The following RBFOX1 variants were observed in gnomAD, a reference collection of about 807,000 sequenced individuals.
The protein encoded by RBFOX1 is RNA binding fox-1 homolog 1, also known as RNA binding protein fox-1 homolog 1.
A neutral mutation model predicts 57.7 loss-of-function variants in RBFOX1; 8 were observed. The ratio of observed to expected loss-of-function variants is 0.14; its 90% CI spans 0.08 to 0.25. The LOEUF (loss-of-function observed/expected upper bound fraction) is 0.25. Ranked by LOEUF, RBFOX1 falls within the 10% of genes least tolerant of loss-of-function variation. The pLI, the probability that RBFOX1 is intolerant of heterozygous loss-of-function variation, is 1.00. For synonymous variants in RBFOX1, 326 were observed against 222.4 expected, an observed-to-expected ratio of 1.47 and a Z score of -4.15; for missense variants, 611 against 548.5, an observed-to-expected ratio of 1.11 and a Z score of -1.14.
chr16:5,719,704 G>T (rs9929312), intron 3 of RBFOX1, among the ~76,000 whole-genome samples: 115,084 of 151,970 alleles, frequency 0.76, 44,016 homozygotes, highest in Non-Finnish European at 0.81. Flanking sequence ...GAGCATAAAT[G>T]TTGAAGCTTC....
chr16:5,956,662 A>T (rs868105586), intron 4 of RBFOX1, among the ~76,000 whole-genome samples: 7 of 46,610 alleles, frequency 1.5e-4, no homozygotes, highest in African/African-American at 7.6e-4. Context: ...ATATATTTAT[A>T]TATATATATA....
intron 5 of RBFOX1, among the ~76,000 whole-genome samples, chr16:7,554,930 C>T (rs192391147): frequency 4.0e-4 from 61 of 152,088 alleles, no homozygotes; most frequent in Admixed American, 5.9e-4. Context: ...AATTAGCATT[C>T]GTAGTAATAA....
At chr16:7,472,395 C>T (rs912811340) in intron 4 of RBFOX1, among the ~76,000 whole-genome samples, 5 of 151,940 alleles carry the variant, frequency 3.3e-5, no homozygotes, top group Non-Finnish European at 5.9e-5. Context: ...GTGTCACACA[C>T]GAGTCTTTAT....
chr16:6,154,077 G>A (rs1351695424), intron 1 of RBFOX1, among the ~76,000 whole-genome samples: 2 of 152,232 alleles, frequency 1.3e-5, no homozygotes, highest in Non-Finnish European at 2.9e-5. Context: ...GGCATAGCCT[G>A]GTGATTCACA....
chr16:5,611,550 T>G (rs1269425778), intron 3 of RBFOX1, among the ~76,000 whole-genome samples: 1 of 152,176 alleles, frequency 6.6e-6, no homozygotes, highest in African/African-American at 2.4e-5. Context: ...TTCTGTGTAC[T>G]CAACTTCTTT....
intron 4 of RBFOX1, among the ~76,000 whole-genome samples, chr16:7,315,104 T>A (rs1210506675): frequency 1.3e-5 from 2 of 151,788 alleles, no homozygotes; most frequent in Non-Finnish European, 2.9e-5. Context: ...TTTTTTTTTT[T>A]AATGAATTGC....
intron 4 of RBFOX1, among the ~76,000 whole-genome samples, chr16:7,451,416 C>T (rs936449995): frequency 2.0e-5 from 3 of 152,106 alleles, no homozygotes; most frequent in Admixed American, 6.5e-5. Flanking sequence ...CAGGTTGAGG[C>T]AATAGGTAAG....
At chr16:7,707,775 C>G (rs373207188) in intron 14 of RBFOX1, among the ~76,000 whole-genome samples, 1 of 152,192 alleles carries the variant, frequency 6.6e-6, no homozygotes, top group Non-Finnish European at 1.5e-5. Context: ...TAGCATGAAA[C>G]CCATAGGATC....
intron 1 of RBFOX1, among the ~76,000 whole-genome samples, chr16:6,214,206 T>C (rs62016047): frequency 0.039 from 5,956 of 152,318 alleles, 169 homozygotes; most frequent in Middle Eastern, 0.18. Context: ...CTCTCATGTT[T>C]CCCTTCTTGT....
At chr16:6,686,252 G>C (rs569869330) in intron 3 of RBFOX1, among the ~76,000 whole-genome samples, 2 of 152,194 alleles carry the variant, frequency 1.3e-5, no homozygotes, top group Non-Finnish European at 2.9e-5. Flanking sequence ...AGATGAGACA[G>C]TGGTCAGGGC....
At chr16:5,862,039 C>A (rs1024701865) in intron 3 of RBFOX1, among the ~76,000 whole-genome samples, 2 of 152,118 alleles carry the variant, frequency 1.3e-5, no homozygotes, top group Non-Finnish European at 2.9e-5. Context: ...CTGTGTCTGG[C>A]CGAGGTGTCC....
intron 5 of RBFOX1, among the ~76,000 whole-genome samples, chr16:7,538,933 C>G (rs879840141): frequency 7.0e-6 from 1 of 142,346 alleles, no homozygotes; most frequent in Non-Finnish European, 1.5e-5. Flanking sequence ...GTCAATGAGA[C>G]TTTCATATGG....
At chr16:6,599,220 C>A (rs536538909) in intron 2 of RBFOX1, among the ~76,000 whole-genome samples, 1 of 152,040 alleles carries the variant, frequency 6.6e-6, no homozygotes, top group African/African-American at 2.4e-5. Context: ...AATCATTATC[C>A]AGAACATGGG....
chr16:6,555,704 A>C (rs111677451), intron 2 of RBFOX1, among the ~76,000 whole-genome samples: 2,384 of 152,230 alleles, frequency 0.016, 51 homozygotes, highest in African/African-American at 0.047. Flanking sequence ...TGTCTGAAAA[A>C]AAAACAAAAC....
At chr16:7,218,552 G>C (rs1326975279) in intron 4 of RBFOX1, among the ~76,000 whole-genome samples, 4 of 151,964 alleles carry the variant, frequency 2.6e-5, no homozygotes, top group Non-Finnish European at 5.9e-5. Context: ...ATTGAGCTGA[G>C]AAAGAGGTAA....
chr16:5,452,052 C>A (rs1046792484), intron 1 of RBFOX1, among the ~76,000 whole-genome samples: 3 of 152,128 alleles, frequency 2.0e-5, no homozygotes, highest in South Asian at 2.1e-4. Flanking sequence ...AGGTTAATGC[C>A]ATCCCCATGG....
At chr16:7,398,472 C>G (rs1362894227) in intron 4 of RBFOX1, among the ~76,000 whole-genome samples, 10 of 152,178 alleles carry the variant, frequency 6.6e-5, no homozygotes, top group African/African-American at 2.4e-4. Context: ...CTTATATTAA[C>G]TTGGTGATAG....
chr16:6,112,325 G>T (rs970413507), intron 1 of RBFOX1, among the ~76,000 whole-genome samples: 1 of 152,144 alleles, frequency 6.6e-6, no homozygotes, highest in Admixed American at 6.5e-5. Context: ...TCCGATATGT[G>T]CATTCTAATA....
chr16:5,377,835 A>T (rs1306349688), intron 1 of RBFOX1, among the ~76,000 whole-genome samples: 1 of 151,620 alleles, frequency 6.6e-6, no homozygotes, highest in African/African-American at 2.4e-5. Context: ...ACATTGTGAG[A>T]ACATTTTCAA....
Sources: gnomAD v4.1 joint callset for allele counts (sites outside exome capture counted in the v4.1 genomes callset) on GRCh38, gnomAD v4.1.1 for gene constraint, MANE v1.5 for transcripts, NCBI Gene and HGNC (gene_info 2026-07-23, HGNC 2026-07-21) for gene names.